ATXN2: variants seen among roughly 807,000 people sequenced by gnomAD.
ATXN2 encodes ataxin 2.
A neutral mutation model predicts 138.6 loss-of-function variants in ATXN2; 37 were observed. That is an observed-to-expected ratio of 0.27 (90% confidence interval 0.21 to 0.35). The LOEUF (loss-of-function observed/expected upper bound fraction) is 0.35, where lower values mean the gene tolerates loss of function less well. Ranked by LOEUF, ATXN2 falls within the 10% of genes least tolerant of loss-of-function variation. The pLI, the probability that ATXN2 is intolerant of heterozygous loss-of-function variation, is 1.00. For synonymous variants in ATXN2, 549 were observed against 543.7 expected, an observed-to-expected ratio of 1.01 and a Z score of -0.13; for missense variants, 1,216 against 1,480.3, an observed-to-expected ratio of 0.82 and a Z score of 2.93.
chr12:111,547,632 G>A (rs1881872750), intron 5 of ATXN2, among the ~76,000 whole-genome samples: 1 of 151,790 alleles, frequency 6.6e-6, no homozygotes, highest in Non-Finnish European at 1.5e-5. Flanking sequence ...GGCTGAGATA[G>A]GAGAATCGCT....
chr12:111,526,933 T>C, intron 5 of ATXN2, among the ~76,000 whole-genome samples: 1 of 152,196 alleles, frequency 6.6e-6, no homozygotes, highest in South Asian at 2.1e-4. Context: ...GTTCAGGCCC[T>C]ACAGTATTAC....
chr12:111,465,963 C>A (rs1308206176), intron 20 of ATXN2, among the ~76,000 whole-genome samples: 1 of 147,436 alleles, frequency 6.8e-6, no homozygotes, highest in African/African-American at 2.5e-5. Flanking sequence ...GTCGGGAATT[C>A]AAGACCAGCC....
At chr12:111,541,759 C>T (rs1209697810) in intron 5 of ATXN2, among the ~76,000 whole-genome samples, 1 of 148,056 alleles carries the variant, frequency 6.8e-6, no homozygotes, top group Non-Finnish European at 1.5e-5. Context: ...ATCATTTTGT[C>T]AATTTCTACA....
intron 11 of ATXN2, 99 bp from the exon 12 acceptor site, chr12:111,510,681 G>T: frequency 8.9e-7 from 1 of 1,126,470 alleles, no homozygotes; most frequent in Non-Finnish European, 1.3e-6. Context: ...AAATAAAACT[G>T]TCCTCTCTAG....
In ATXN2 at chr12:111,513,391, G is replaced by A. The variant is rs746327534; in HGVS notation, c.1524C>T (p.Pro508=). 7 of 1,613,718 alleles carry A rather than the reference G, an allele frequency of 4.3e-6. No homozygotes were observed. The highest frequency in any genetic ancestry group is 5.9e-6 in the Non-Finnish European group (7 of 1,179,974). The part of the protein sequence containing the change: ...AATPPVARTS[P]SGGTWSSVVS... Reference sequence around the variant, plus strand: ...CCACTGATGACCACGTTCCCCCCGAGGGACTGGTCCTTGCTACTGGAGGAG... The same window carrying A: ...CCACTGATGACCACGTTCCCCCCGAAGGACTGGTCCTTGCTACTGGAGGAG... Residue 508 remains proline, a synonymous_variant, in exon 11 of 25, where the codon CCC becomes CCT. Transcript: ENST00000673436.
Position 111,453,260 on chromosome 12 carries a change from A to G in ATXN2, c.3439+417T>C. 1 of 1,061,718 alleles carries G rather than the reference A, an allele frequency of 9.4e-7. No homozygotes were observed. The highest frequency in any genetic ancestry group is 1.1e-6 in the Non-Finnish European group (1 of 879,816). The allele number at this position is 1,061,718 out of a possible 1,614,324, so 65.8% of individuals were successfully genotyped here. On this transcript the variant is annotated intron_variant, in intron 24 of 24. Transcript: ENST00000673436. The surrounding 1 kb of genome is among the most constrained non-coding windows in gnomAD (Gnocchi z 5.4). ...CTAACGCTACACTCAAAGCCAGTCC[A>G]TCCACAGCGCTTTCTCAGCAGTATC... is the stretch of plus-strand genomic sequence containing the variant.
chr12:111,470,571 T>C lies in ATXN2; in HGVS notation c.2696A>G (p.His899Arg). 3 of 1,614,080 alleles carry C rather than the reference T, an allele frequency of 1.9e-6. No homozygotes were observed. Among genetic ancestry groups the C allele is most frequent in the Non-Finnish European group, 1.7e-6 (2 of 1,179,984 alleles). The change falls in exon 19 of 25, where the codon CAT (histidine) becomes CGT (arginine). Residue 899 changes from histidine to arginine, a missense_variant. This residue lies in a region of ATXN2 where 490 missense variants were observed against 653.5 expected (regional missense o/e 0.75). Transcript: ENST00000673436. Reference sequence around the variant, plus strand: ...TACCAGCCTTACCTGAGACTGATAATGTGGCACATGCTGAACAAGGGGCTG... The same window carrying C: ...TACCAGCCTTACCTGAGACTGATAACGTGGCACATGCTGAACAAGGGGCTG... Reference protein sequence around the residue: ...PNQPLVQHVPHYQSQHPHVYS... With the variant: ...PNQPLVQHVPRYQSQHPHVYS...
intron 2 of ATXN2, among the ~76,000 whole-genome samples, 165 bp downstream of exon 2, chr12:111,555,716 CAG>C (rs1491298327): frequency 5.3e-5 from 8 of 151,766 alleles, no homozygotes; most frequent in Non-Finnish European, 1.0e-4. Context: ...ACATTTTATA[CAG>C]AGTCATTAAA....
At position 111,478,781 on chromosome 12, in the gene ATXN2, TGG is replaced by T. The variant is rs546429140; in HGVS notation, c.2524+6482_2524+6483del. ...CAACACTTTGGGAGGCTGGGGCGGG[TGG>T]ATCACTTGTGGTCAGGAGTTCGAGA... On this transcript the variant is annotated intron_variant, in intron 18 of 24. Coordinates refer to ENST00000673436, the MANE Select transcript of ATXN2 (RefSeq NM_001372574.1). Among the ~76,000 whole-genome samples, 117 of 151,858 alleles carry T rather than the reference TGG, an allele frequency of 7.7e-4. 2 individuals carry two copies. The South Asian group carries it at 0.023, about 30-fold the overall frequency.
chr12:111,559,548 T>A (rs1592900566), intron 1 of ATXN2, among the ~76,000 whole-genome samples: 1 of 151,172 alleles, frequency 6.6e-6, no homozygotes, highest in African/African-American at 2.4e-5. Flanking sequence ...CCGAGGTGGG[T>A]GGATCACGAG....
intron 1 of ATXN2, among the ~76,000 whole-genome samples, chr12:111,577,755 A>C (rs920098172): frequency 6.6e-6 from 1 of 151,980 alleles, no homozygotes; most frequent in African/African-American, 2.4e-5. Context: ...ACCACAGTGA[A>C]CTTTCTGTCT....
chr12:111,468,408 G>C (rs538464003), intron 20 of ATXN2: 4 of 152,300 alleles, frequency 2.6e-5, no homozygotes, highest in East Asian at 3.9e-4. Context: ...ATACAAAATT[G>C]AAAGTGATAA....
chr12:111,459,616 T>G (rs1875404918), intron 21 of ATXN2, among the ~76,000 whole-genome samples: 5 of 152,098 alleles, frequency 3.3e-5, no homozygotes. Flanking sequence ...GATTTTTGTA[T>G]TTTTAGTAGA....
chr12:111,567,222 C>T (rs1321602197), intron 1 of ATXN2, among the ~76,000 whole-genome samples: 1 of 152,154 alleles, frequency 6.6e-6, no homozygotes, highest in Non-Finnish European at 1.5e-5. Flanking sequence ...CAGAAACAGG[C>T]CGGGCGTGGT....
chr12:111,484,643 C>T (rs1877512605), intron 18 of ATXN2, among the ~76,000 whole-genome samples: 1 of 152,110 alleles, frequency 6.6e-6, no homozygotes, highest in South Asian at 2.1e-4. Context: ...GCCATGTTGG[C>T]CAGGCTGGTC....
At chr12:111,468,855 C>T (rs1052318392) in intron 20 of ATXN2, 1 of 152,126 alleles carries the variant, frequency 6.6e-6, no homozygotes, top group African/African-American at 2.4e-5. Flanking sequence ...CACATGCCAC[C>T]ACACCCGGCC....
At position 111,483,513 on chromosome 12, in the gene ATXN2, T is replaced by C. The variant is rs373498467; in HGVS notation, c.2524+1752A>G. Among the ~76,000 whole-genome samples, 388 of 136,044 alleles carry C rather than the reference T, an allele frequency of 2.9e-3. 1 individual carries two copies. The highest frequency in any genetic ancestry group is 0.016 in the South Asian group (64 of 3,884). The allele number at this position is 136,044 out of a possible 152,430, so 89.3% of individuals were successfully genotyped here. A position where few individuals can be genotyped will look rare whatever the true frequency, so the allele number is the denominator to read the frequency against. On this transcript the variant is annotated intron_variant, in intron 18 of 24. Coordinates refer to ENST00000673436, the MANE Select transcript of ATXN2 (RefSeq NM_001372574.1). ...TCTGTCACCCAGGCACGCACCACCA[T>C]GCCCAGCTGATCTTTGTATTTTTAG...
At chr12:111,528,883 A>G (rs1880651066) in intron 5 of ATXN2, among the ~76,000 whole-genome samples, 1 of 152,242 alleles carries the variant, frequency 6.6e-6, no homozygotes, top group South Asian at 2.1e-4. Flanking sequence ...ATTCTGCACT[A>G]TTAATAATAT....
At chr12:111,488,869 A>G (rs1393894486) in intron 14 of ATXN2, 89 bp from the exon 15 acceptor site, 15 of 1,090,546 alleles carry the variant, frequency 1.4e-5, no homozygotes, top group Non-Finnish European at 1.9e-5. Flanking sequence ...AATATTAACT[A>G]TACGCATGAA....
Sources: allele counts gnomAD v4.1 joint callset (sites outside exome capture counted in the v4.1 genomes callset), GRCh38; gene constraint gnomAD v4.1.1; regional missense constraint gnomAD v4.1.1; non-coding constraint Gnocchi (gnomAD v3.1); transcripts MANE v1.5; gene names NCBI Gene and HGNC (gene_info 2026-07-23, HGNC 2026-07-21).